Variants in ADRA1A observed in about 807,000 individuals in gnomAD.
ADRA1A encodes adrenoceptor alpha 1A.
ADRA1A carries 31 observed loss-of-function variants against 29.6 expected under a neutral mutation model. The observed-to-expected ratio is 1.05, with a 90% confidence interval of 0.79 to 1.41. ADRA1A has a LOEUF of 1.41. Among genes scored for constraint, ADRA1A ranks in the 40% most tolerant of loss-of-function variants. The pLI is 0.00. For missense variants in ADRA1A, 619 were observed against 601.1 expected, an observed-to-expected ratio of 1.03 and a Z score of -0.31; for synonymous variants, 311 against 254.3, an observed-to-expected ratio of 1.22 and a Z score of -2.12.
intron 2 of ADRA1A, among the ~76,000 whole-genome samples, chr8:26,759,266 G>A (rs753853893): frequency 3.3e-5 from 5 of 152,200 alleles, no homozygotes; most frequent in South Asian, 2.1e-4. Context: ...GGTTGCATAT[G>A]GTATTCAGAA....
intron 2 of ADRA1A, among the ~76,000 whole-genome samples, chr8:26,788,860 A>T (rs4610755): frequency 0.019 from 2,823 of 152,260 alleles, 86 homozygotes; most frequent in African/African-American, 0.065. Context: ...TTTCACTGGC[A>T]AAATCAGATC....
At chr8:26,757,913 G>T (rs1041657050) in intron 2 of ADRA1A, among the ~76,000 whole-genome samples, 7 of 152,004 alleles carry the variant, frequency 4.6e-5, no homozygotes, top group African/African-American at 1.7e-4. Flanking sequence ...ATTTTATGTA[G>T]CATCTTTCAT....
At chr8:26,819,147 G>C (rs1215347891) in intron 2 of ADRA1A, among the ~76,000 whole-genome samples, 1 of 152,138 alleles carries the variant, frequency 6.6e-6, no homozygotes, top group Admixed American at 6.5e-5. Context: ...GAGAAACCTT[G>C]CTGGCCAGGA....
chr8:26,830,274 C>A (rs1054092098), intron 2 of ADRA1A, among the ~76,000 whole-genome samples: 3 of 152,204 alleles, frequency 2.0e-5, no homozygotes, highest in Non-Finnish European at 4.4e-5. Flanking sequence ...TCTGCACCTG[C>A]CCTCAAAGCT....
intron 2 of ADRA1A, among the ~76,000 whole-genome samples, chr8:26,820,237 AC>A (rs1563278610): frequency 6.6e-6 from 1 of 152,210 alleles, no homozygotes; most frequent in Admixed American, 6.5e-5. Context: ...TATACTACAT[AC>A]CAAATGCTAA....
rs373431480 is a variant in ADRA1A at position 26,865,744 on chromosome 8, T to A, written c.-686-89A>T. 5.1e-5 allele frequency: 50 copies of A among 983,786 alleles called. No homozygotes were observed. The African/African-American group carries it at 7.5e-4, about 15-fold the overall frequency. 60.9% of individuals were successfully genotyped at this position (983,786 alleles called of 1,614,324 possible). On this transcript the variant is annotated intron_variant, in intron 1 of 2. Transcript: ENST00000380573. This position sits in a 1 kb window ranked among gnomAD's most constrained non-coding sequence, Gnocchi z 7.6. ...AGCTTGACGGGTTGGGGGACACCAG[T>A]TGGGAGCCGGGTTGGTTCTGCGGTC...
intron 2 of ADRA1A, among the ~76,000 whole-genome samples, chr8:26,797,548 G>A (rs1233179799): frequency 6.6e-6 from 1 of 151,898 alleles, no homozygotes; most frequent in African/African-American, 2.4e-5. Context: ...ATCCTCCAGC[G>A]TTGGCGTCCC....
At chr8:26,764,023 G>A (rs906395735), downstream of ADRA1A, among the ~76,000 whole-genome samples, 4 of 152,128 alleles carry the variant, frequency 2.6e-5, no homozygotes, top group Non-Finnish European at 5.9e-5. Flanking sequence ...TTGGAAAAAT[G>A]CATTCTTGAC....
At chr8:26,845,479 T>C (rs1283921187) in intron 2 of ADRA1A, among the ~76,000 whole-genome samples, 1 of 152,214 alleles carries the variant, frequency 6.6e-6, no homozygotes, top group East Asian at 1.9e-4. Flanking sequence ...CAAACATTGC[T>C]GGTGGGTATG....
At chr8:26,752,277 C>T (rs1172517331), downstream of ADRA1A, among the ~76,000 whole-genome samples, 1 of 152,168 alleles carries the variant, frequency 6.6e-6, no homozygotes, top group Non-Finnish European at 1.5e-5. Flanking sequence ...GAGGCGGTGT[C>T]TCATTTACAT....
At position 26,865,437 on chromosome 8, in the gene ADRA1A, A is replaced by C; in HGVS notation, c.-468T>G. On this transcript the variant is annotated 5_prime_UTR_variant, in exon 2 of 3. Coordinates refer to ENST00000380573, the MANE Select transcript of ADRA1A (RefSeq NM_000680.4). The surrounding 1 kb of genome is among the most constrained non-coding windows in gnomAD (Gnocchi z 7.6). ...CCAGCGCCAGTCTCTCCCTCAAACC[A>C]AAAGATCAGCCGTCGACGCTCAAAG... 1 of 1,001,294 alleles carries C rather than the reference A, an allele frequency of 1.0e-6. No individual in the cohort carries two copies. The highest frequency in any genetic ancestry group is 1.2e-6 in the Non-Finnish European group (1 of 839,546). 62.0% of individuals were successfully genotyped at this position (1,001,294 alleles called of 1,614,324 possible). A position where few individuals can be genotyped will look rare whatever the true frequency, so the allele number is the denominator to read the frequency against.
At chr8:26,778,131 T>C (rs1450537775) in intron 2 of ADRA1A, among the ~76,000 whole-genome samples, 1 of 152,142 alleles carries the variant, frequency 6.6e-6, no homozygotes, top group Admixed American at 6.6e-5. Flanking sequence ...ATGGTTCGTC[T>C]CACCAGTTAA....
chr8:26,823,254 G>A lies in ADRA1A; in HGVS notation c.883+40833C>T, dbSNP rs537242729. Among the ~76,000 whole-genome samples the A allele has an allele frequency of 7.2e-5, 11 of 151,844 alleles. No individual in the cohort carries two copies. The highest frequency in any genetic ancestry group is 2.7e-4 in the African/African-American group (11 of 41,286). The stretch of plus-strand genomic sequence containing the variant: ...CTTGTCTGTGACACATGCTTCTTTG[G>A]CCACATGGTATAGTGTCTGCCTTCC... On this transcript the variant is annotated intron_variant, in intron 2 of 2. Coordinates refer to ENST00000380573, the MANE Select transcript of ADRA1A (RefSeq NM_000680.4). This position sits in a 1 kb window ranked among gnomAD's most constrained non-coding sequence, Gnocchi z 4.2.
chr8:26,818,801 T>C (rs1433011502), intron 2 of ADRA1A, among the ~76,000 whole-genome samples: 2 of 150,926 alleles, frequency 1.3e-5, no homozygotes, highest in African/African-American at 2.4e-5. Flanking sequence ...AGTAAAAAAA[T>C]TAAAATAAAA....
intron 2 of ADRA1A, among the ~76,000 whole-genome samples, chr8:26,855,995 T>G (rs546105773): frequency 2.0e-5 from 3 of 151,908 alleles, no homozygotes; most frequent in Non-Finnish European, 2.9e-5. Context: ...AACTCACTTG[T>G]CTATAGCCTG....
rs971572909 is a variant in ADRA1A, at chr8:26,866,834, C to G, written c.-687+102G>C. On this transcript the variant is annotated intron_variant, in intron 1 of 2. Coordinates refer to ENST00000380573, the MANE Select transcript of ADRA1A (RefSeq NM_000680.4). This position sits in a 1 kb window ranked among gnomAD's most constrained non-coding sequence, Gnocchi z 5.7. ...CCGGTATAAAACCTGGTGGAAAAAG[C>G]GGGAGGCGCTGGGAAAAGTGGGGGT... 8 of 984,164 alleles carry G rather than the reference C, an allele frequency of 8.1e-6. No homozygotes were observed. The African/African-American group carries it at 1.2e-4, about 15-fold the overall frequency. The allele number at this position is 984,164 out of a possible 1,614,324, so 61.0% of individuals were successfully genotyped here. A position where few individuals can be genotyped will look rare whatever the true frequency, so the allele number is the denominator to read the frequency against.
chr8:26,864,022 G>C lies in ADRA1A; in HGVS notation c.883+65C>G. 1 of 1,511,838 alleles carries C rather than the reference G, an allele frequency of 6.6e-7. No homozygotes were observed. The allele number at this position is 1,511,838 out of a possible 1,614,324, so 93.7% of individuals were successfully genotyped here. ...TCTTCCATCCCGGACTGGGAGTCTG[G>C]GGTAACAGAAGCCGAGGAGGGTGAA... is the stretch of plus-strand genomic sequence containing the variant. On this transcript the variant is annotated intron_variant, in intron 2 of 2. Coordinates refer to ENST00000380573, the MANE Select transcript of ADRA1A (RefSeq NM_000680.4). This position sits in a 1 kb window ranked among gnomAD's most constrained non-coding sequence, Gnocchi z 8.1.
intron 2 of ADRA1A, among the ~76,000 whole-genome samples, chr8:26,759,615 C>T (rs538483929): frequency 3.6e-4 from 55 of 152,226 alleles, no homozygotes; most frequent in Admixed American, 3.3e-3. Flanking sequence ...AGGACTGACT[C>T]GGGGAGGCAC....
Position 26,819,042 on chromosome 8 carries a change from A to C in ADRA1A, c.883+45045T>G. 2.6e-5 allele frequency among the ~76,000 whole-genome samples: 4 copies of C among 152,338 alleles called. No individual in the cohort carries two copies. In the South Asian group the frequency reaches 8.3e-4, roughly 32 times the overall value. ...AAAGATGATTACACAGAGACACATTATAATCAAATTATTAAAAGTCAAAGA... is the reference window on the plus strand; with the variant it reads ...AAAGATGATTACACAGAGACACATTCTAATCAAATTATTAAAAGTCAAAGA... On this transcript the variant is annotated intron_variant, in intron 2 of 2. Coordinates refer to ENST00000380573, the MANE Select transcript of ADRA1A (RefSeq NM_000680.4).
Sources: allele counts gnomAD v4.1 joint callset (sites outside exome capture counted in the v4.1 genomes callset), GRCh38; gene constraint gnomAD v4.1.1; non-coding constraint Gnocchi (gnomAD v3.1); transcripts MANE v1.5; gene names NCBI Gene and HGNC (gene_info 2026-07-23, HGNC 2026-07-21).